The following SCFD2 variants were observed in gnomAD, a reference collection of about 807,000 sequenced individuals.
SCFD2 encodes sec1 family domain-containing protein 2.
In SCFD2, 54 loss-of-function variants were observed where a neutral mutation model predicts 58.9. That is an observed-to-expected ratio of 0.92 (90% CI 0.74 to 1.15). The LOEUF is 1.15. Among genes scored for constraint, SCFD2 ranks in the 50% most tolerant of loss-of-function variants. SCFD2 has a pLI of 0.00. For missense variants in SCFD2, 805 were observed against 836.6 expected (o/e 0.96, Z 0.47); for synonymous variants, 321 against 335.9 (o/e 0.96, Z 0.49).
chr4:52,897,160 C>A (rs1035445358), intron 7 of SCFD2, among the ~76,000 whole-genome samples: 1 of 152,160 alleles, frequency 6.6e-6, no homozygotes, highest in African/African-American at 2.4e-5. Flanking sequence ...CCTTCTCCTG[C>A]CTGATTGCCC....
intron 5 of SCFD2, chr4:52,948,634 T>C (rs1720504659): frequency 1.4e-5 from 6 of 432,810 alleles, no homozygotes; most frequent in South Asian, 6.6e-5. Flanking sequence ...TATGGAAATA[T>C]TGTGCTAATT....
At chr4:53,314,236 C>A (rs1732788740) in intron 2 of SCFD2, among the ~76,000 whole-genome samples, 1 of 152,220 alleles carries the variant, frequency 6.6e-6, no homozygotes, top group Admixed American at 6.5e-5. Flanking sequence ...AATTACTCAA[C>A]AGACTTCCTA....
chr4:52,898,833 G>A (rs1049199575), intron 7 of SCFD2, among the ~76,000 whole-genome samples: 5 of 152,142 alleles, frequency 3.3e-5, no homozygotes, highest in Non-Finnish European at 2.9e-5. Flanking sequence ...GAATCTGGGT[G>A]CTCCTGTATT....
chr4:53,316,937 G>T (rs763561385), intron 2 of SCFD2, among the ~76,000 whole-genome samples: 1 of 151,762 alleles, frequency 6.6e-6, no homozygotes, highest in Admixed American at 6.6e-5. Flanking sequence ...GAGAAACCCC[G>T]CCCCTAATAA....
intron 5 of SCFD2, among the ~76,000 whole-genome samples, chr4:52,924,449 G>T (rs1719815561): frequency 6.6e-6 from 1 of 152,112 alleles, no homozygotes; most frequent in Non-Finnish European, 1.5e-5. Context: ...GACGGAAAAT[G>T]CAAAGTCCTA....
At position 53,365,179 on chromosome 4, in the gene SCFD2, G is replaced by T. The variant is rs1409708521; in HGVS notation, c.763C>A (p.Pro255Thr). The change falls in exon 1 of 9, where the codon CCT becomes ACT. Residue 255 changes from proline (P) to threonine (T), a missense_variant. Pro to Thr is a conservative substitution (Grantham distance 38). Coordinates refer to ENST00000401642, the MANE Select transcript of SCFD2 (RefSeq NM_152540.4). This position sits in a 1 kb window ranked among gnomAD's most constrained non-coding sequence, Gnocchi z 4.3. ...VIAADLANYA[P>T]AKNRKKTAAG... ...GCAGTCTTCTTCCTGTTCTTTGCAG[G>T]GGCATAATTGGCCAGATCCGCAGCG... 1.2e-6 allele frequency: 2 copies of T among 1,614,020 alleles called. No individual in the cohort carries two copies. Among genetic ancestry groups the T allele is most frequent in the Middle Eastern group, 3.3e-4 (2 of 6,082 alleles).
At chr4:53,165,786 A>T (rs1051487979) in intron 4 of SCFD2, among the ~76,000 whole-genome samples, 5 of 152,224 alleles carry the variant, frequency 3.3e-5, no homozygotes, top group Admixed American at 3.3e-4. Context: ...TCTAAAACAT[A>T]CTTGATATAT....
At chr4:53,114,857 G>A (rs895671235) in intron 5 of SCFD2, among the ~76,000 whole-genome samples, 6 of 152,052 alleles carry the variant, frequency 3.9e-5, no homozygotes, top group Non-Finnish European at 8.8e-5. Context: ...ACAATATAAA[G>A]AGATTTAGAG....
rs201441510 is a variant in SCFD2, at chr4:53,271,037, G to GT, written c.1311+2788dup. 5.7e-3 allele frequency among the ~76,000 whole-genome samples: 869 copies of GT among 151,460 alleles called. 9 individuals carry two copies. The highest frequency in any genetic ancestry group is 6.1e-3 in the Non-Finnish European group (416 of 67,816). The stretch of plus-strand genomic sequence containing the variant: ...TAAGCCATCATTAAGGATTCAGAAA[G>GT]TTTTTTTTTCTTTTTGCCTTGATGG... On this transcript the variant is annotated intron_variant, in intron 4 of 8. Transcript: ENST00000401642.
At chr4:52,895,219 G>A (rs1012823742) in intron 7 of SCFD2, among the ~76,000 whole-genome samples, 4 of 151,834 alleles carry the variant, frequency 2.6e-5, no homozygotes, top group East Asian at 3.9e-4. Flanking sequence ...TGTGCACAAC[G>A]TACAGGTTTG....
chr4:52,904,782 G>C (rs183103422), intron 7 of SCFD2, among the ~76,000 whole-genome samples: 1 of 152,336 alleles, frequency 6.6e-6, no homozygotes, highest in Non-Finnish European at 1.5e-5. Flanking sequence ...ATGTGGTTAA[G>C]AGCTAGGCTT....
chr4:53,217,606 T>C (rs995251614), intron 4 of SCFD2, among the ~76,000 whole-genome samples: 1 of 152,216 alleles, frequency 6.6e-6, no homozygotes, highest in Non-Finnish European at 1.5e-5. Context: ...AATTTGCCAG[T>C]CTGTGTCTTT....
intron 4 of SCFD2, among the ~76,000 whole-genome samples, chr4:53,237,919 C>A (rs1577879112): frequency 9.8e-6 from 1 of 101,956 alleles, no homozygotes; most frequent in Admixed American, 8.9e-5. Context: ...ACCCCCCCAC[C>A]TCCCTTCCGG....
intron 5 of SCFD2, among the ~76,000 whole-genome samples, chr4:53,118,051 A>T (rs1725373914): frequency 6.6e-6 from 1 of 152,200 alleles, no homozygotes; most frequent in Non-Finnish European, 1.5e-5. Context: ...GAGCATCAGT[A>T]TTGTATGCCA....
At chr4:52,959,004 C>T (rs937684745) in intron 5 of SCFD2, among the ~76,000 whole-genome samples, 1 of 152,076 alleles carries the variant, frequency 6.6e-6, no homozygotes, top group Non-Finnish European at 1.5e-5. Context: ...TTACACCTAC[C>T]TCACTGATTA....
intron 2 of SCFD2, among the ~76,000 whole-genome samples, chr4:53,345,253 G>C (rs953852789): frequency 6.6e-6 from 1 of 151,322 alleles, no homozygotes; most frequent in African/African-American, 2.4e-5. Context: ...AAATTTACAA[G>C]AAAAAAAACA....
intron 4 of SCFD2, among the ~76,000 whole-genome samples, chr4:53,196,457 C>T (rs1362548574): frequency 6.6e-6 from 1 of 152,218 alleles, no homozygotes; most frequent in East Asian, 1.9e-4. Flanking sequence ...CAATGAACCC[C>T]ATGGTTTTTA....
chr4:53,107,835 A>G (rs1404272409), intron 5 of SCFD2, among the ~76,000 whole-genome samples: 2 of 152,232 alleles, frequency 1.3e-5, no homozygotes, highest in African/African-American at 4.8e-5. Flanking sequence ...AAAATTAACA[A>G]GAATATTCAG....
At chr4:53,088,749 T>A (rs1724384204) in intron 5 of SCFD2, among the ~76,000 whole-genome samples, 1 of 152,118 alleles carries the variant, frequency 6.6e-6, no homozygotes, top group African/African-American at 2.4e-5. Flanking sequence ...TTTAGGTTGA[T>A]GCTGGAATGA....
Sources: gnomAD v4.1 joint callset for allele counts (sites outside exome capture counted in the v4.1 genomes callset) on GRCh38, gnomAD v4.1.1 for gene constraint, Gnocchi (gnomAD v3.1) non-coding constraint, MANE v1.5 for transcripts, NCBI Gene and HGNC (gene_info 2026-07-23, HGNC 2026-07-21) for gene names.